Variants in ZFP64 observed in about 807,000 individuals in gnomAD.
The protein encoded by ZFP64 is ZFP64 zinc finger protein.
In ZFP64, 14 loss-of-function variants were observed where a neutral mutation model predicts 51.6. The ratio of observed to expected loss-of-function variants is 0.27; its 90% CI spans 0.18 to 0.42. The LOEUF is 0.42. Among genes scored for constraint, ZFP64 ranks in the 10% least tolerant of loss-of-function variants. The pLI, the probability that ZFP64 is intolerant of heterozygous loss-of-function variation, is 1.00. For missense variants in ZFP64, 754 were observed against 906.8 expected, an observed-to-expected ratio of 0.83 and a Z score of 2.16; for synonymous variants, 375 against 361.4, an observed-to-expected ratio of 1.04 and a Z score of -0.43.
At chr20:52,166,381 T>C (rs1186847248) in intron 2 of ZFP64, among the ~76,000 whole-genome samples, 2 of 152,186 alleles carry the variant, frequency 1.3e-5, no homozygotes, top group African/African-American at 2.4e-5. Flanking sequence ...GTGGCAGCCA[T>C]TCTGTAACCA....
intron 1 of ZFP64, among the ~76,000 whole-genome samples, chr20:52,188,927 G>C (rs1030490558): frequency 6.6e-6 from 1 of 152,012 alleles, no homozygotes; most frequent in South Asian, 2.1e-4. Context: ...AGTGAGCTGA[G>C]ATTGTGCCAC....
At chr20:52,126,300 ATTT>A (rs1298994672) in intron 5 of ZFP64, among the ~76,000 whole-genome samples, 1 of 152,148 alleles carries the variant, frequency 6.6e-6, no homozygotes, top group Non-Finnish European at 1.5e-5. Context: ...TCGGGAAGTT[ATTT>A]CACGCATCTG....
At chr20:52,150,643 T>A (rs1980746868), downstream of ZFP64, among the ~76,000 whole-genome samples, 1 of 152,194 alleles carries the variant, frequency 6.6e-6, no homozygotes, top group Admixed American at 6.5e-5. Context: ...TGTGTCCAAC[T>A]ATTACAGATC....
At chr20:52,186,059 G>C (rs1463000753) in intron 2 of ZFP64, among the ~76,000 whole-genome samples, 1 of 152,042 alleles carries the variant, frequency 6.6e-6, no homozygotes, top group Non-Finnish European at 1.5e-5. Context: ...TCTTTTTCTT[G>C]GAGGGGGTGG....
At chr20:52,090,927 C>CAAAAAAAA (rs797006213) in intron 7 of ZFP64, among the ~76,000 whole-genome samples, 2 of 68,078 alleles carry the variant, frequency 2.9e-5, no homozygotes, top group African/African-American at 5.5e-5. Context: ...CTGACTCTAC[C>CAAAAAAAA]AAAAAAAAAA....
intron 8 of ZFP64, chr20:52,088,373 T>A: frequency 6.2e-7 from 1 of 1,611,060 alleles, no homozygotes; most frequent in Non-Finnish European, 8.5e-7. Context: ...GGATTGAGGT[T>A]TCCTGGTCAG....
At chr20:52,148,835 C>G (rs1032951446), downstream of ZFP64, among the ~76,000 whole-genome samples, 2 of 152,114 alleles carry the variant, frequency 1.3e-5, no homozygotes, top group Non-Finnish European at 2.9e-5. Context: ...AGAAAACACA[C>G]GTGCCACAAA....
chr20:52,171,235 A>G (rs1369024463), intron 2 of ZFP64, among the ~76,000 whole-genome samples: 1 of 152,170 alleles, frequency 6.6e-6, no homozygotes, highest in South Asian at 2.1e-4. Context: ...GAGACACCCC[A>G]GGGAAAGGCT....
chr20:52,110,354 T>C (rs1978494083), intron 5 of ZFP64: 5 of 522,106 alleles, frequency 9.6e-6, no homozygotes, highest in Non-Finnish European at 1.4e-5. Flanking sequence ...TTACAACTCC[T>C]CGTTCTCAGC....
chr20:52,113,422 CTTTTTTTT>C (rs936439409), intron 5 of ZFP64, among the ~76,000 whole-genome samples: 1 of 96,528 alleles, frequency 1.0e-5, no homozygotes. Flanking sequence ...GCCAGGAATT[CTTTTTTTT>C]TTTTTTTTTT....
At chr20:52,115,756 GAGGA>G (rs1053385924) in intron 5 of ZFP64, among the ~76,000 whole-genome samples, 10 of 151,320 alleles carry the variant, frequency 6.6e-5, no homozygotes, top group African/African-American at 2.4e-4. Flanking sequence ...GAGAAGTTTG[GAGGA>G]AGGAAGATTG....
At chr20:52,165,689 C>A in intron 3 of ZFP64, 175 bp downstream of exon 3, 1 of 857,522 alleles carries the variant, frequency 1.2e-6, no homozygotes, top group East Asian at 2.6e-5. Context: ...AGAATGACCA[C>A]AGACAGTGGG....
downstream of ZFP64, chr20:52,151,146 G>T: frequency 1.4e-6 from 1 of 702,914 alleles, no homozygotes; most frequent in Non-Finnish European, 1.7e-6. Flanking sequence ...TGACTGTGGA[G>T]GAGGTAAGAT....
chr20:52,161,092 C>T (rs533877163), intron 4 of ZFP64, among the ~76,000 whole-genome samples: 2 of 152,258 alleles, frequency 1.3e-5, no homozygotes, highest in Admixed American at 6.5e-5. Flanking sequence ...ACTTAAGTGC[C>T]TGGCTGGTCC....
intron 5 of ZFP64, chr20:52,110,356 G>A (rs7273444): frequency 1.4e-5 from 7 of 512,836 alleles, no homozygotes; most frequent in Admixed American, 2.9e-5. Flanking sequence ...ACAACTCCTC[G>A]TTCTCAGCCC....
chr20:52,151,082 AAAC>A (rs1325138419), downstream of ZFP64, among the ~76,000 whole-genome samples: 2 of 152,230 alleles, frequency 1.3e-5, no homozygotes, highest in African/African-American at 2.4e-5. Context: ...TTCAAAATGA[AAAC>A]AACAGTGGGA....
chr20:52,162,209 A>T (rs915631542), intron 4 of ZFP64, among the ~76,000 whole-genome samples: 4 of 152,086 alleles, frequency 2.6e-5, no homozygotes, highest in Non-Finnish European at 5.9e-5. Context: ...GAGGCAGGAG[A>T]ATCACTTGAA....
chr20:52,144,577 T>TAAAAAAAAAA (rs1980420987), intron 5 of ZFP64, among the ~76,000 whole-genome samples: 1 of 5,100 alleles, frequency 2.0e-4, no homozygotes, highest in Non-Finnish European at 3.7e-4. Flanking sequence ...AGACTCCGTC[T>TAAAAAAAAAA]CAAAAAAAAA....
chr20:52,094,209 C>G (rs1379537155), intron 7 of ZFP64, among the ~76,000 whole-genome samples: 1 of 152,150 alleles, frequency 6.6e-6, no homozygotes, highest in Non-Finnish European at 1.5e-5. Context: ...GCTATCTCAG[C>G]CTAATCCATC....
Sources: gnomAD v4.1 joint callset for allele counts (sites outside exome capture counted in the v4.1 genomes callset) on GRCh38, gnomAD v4.1.1 for gene constraint, MANE v1.5 for transcripts, NCBI Gene and HGNC (gene_info 2026-07-23, HGNC 2026-07-21) for gene names.